LRRC74A: variants seen among roughly 807,000 people sequenced by gnomAD.
The protein encoded by LRRC74A is leucine-rich repeat-containing protein 74A.
In LRRC74A, 44 loss-of-function variants were observed where a neutral mutation model predicts 57.9. The ratio of observed to expected loss-of-function variants is 0.76; its 90% CI spans 0.60 to 0.98. LRRC74A has a LOEUF of 0.98. Ranked by LOEUF, LRRC74A falls within the 50% of genes least tolerant of loss-of-function variation. The pLI is 0.00. For synonymous variants in LRRC74A, 211 were observed against 219.4 expected, an observed-to-expected ratio of 0.96 and a Z score of 0.34; for missense variants, 572 against 574.0, an observed-to-expected ratio of 1.00 and a Z score of 0.04.
At chr14:76,829,888 A>T (rs1343748307) in intron 2 of LRRC74A, among the ~76,000 whole-genome samples, 2 of 152,002 alleles carry the variant, frequency 1.3e-5, no homozygotes, top group African/African-American at 4.8e-5. Flanking sequence ...GAAAAGGGGG[A>T]GACGAGCCTG....
chr14:76,856,886 G>A (rs1402350502), intron 9 of LRRC74A, among the ~76,000 whole-genome samples: 2 of 151,784 alleles, frequency 1.3e-5, no homozygotes, highest in Admixed American at 1.3e-4. Context: ...TGGTTGGGTG[G>A]ATGAGCAGTG....
Position 76,853,230 on chromosome 14 carries a change from G to A in LRRC74A, c.777G>A (p.Leu259=). The part of the protein sequence containing the change: ...LCNGLRGNVT[L]TKLDLSMNGF... ...TCTTCCTGGAGGGTAATGTGACCCT[G>A]ACAAAGCTGGATCTCTCCATGAATG... Residue 259 remains leucine, a synonymous_variant, in exon 9 of 14, where the codon CTG becomes CTA. Coordinates refer to ENST00000689127, the MANE Select transcript of LRRC74A (RefSeq NM_001385106.1). The A allele has an allele frequency of 6.2e-7, 1 of 1,612,724 alleles. No individual in the cohort carries two copies. The highest frequency in any genetic ancestry group is 8.5e-7 in the Non-Finnish European group (1 of 1,178,824).
chr14:76,852,542 C>A (rs1897575294), intron 8 of LRRC74A, 92 bp downstream of exon 8: 1 of 922,990 alleles, frequency 1.1e-6, no homozygotes, highest in South Asian at 1.7e-5. Flanking sequence ...CTCATGGTCA[C>A]CATCAATGAG....
rs935004375 is a variant in LRRC74A, at chr14:76,855,959, G to A, written c.958-1421G>A. 7.2e-5 allele frequency among the ~76,000 whole-genome samples: 11 copies of A among 152,202 alleles called. 1 individual carries two copies. The East Asian group carries it at 2.1e-3, about 29-fold the overall frequency. ...TGATCAGGGAATTAATGCAAGGCCA[G>A]GCAGCTGGTAAGCAGAGCCACCAGG... On this transcript the variant is annotated intron_variant, in intron 9 of 13. Coordinates refer to ENST00000689127, the MANE Select transcript of LRRC74A (RefSeq NM_001385106.1).
chr14:76,852,523 A>G (rs1282001571), intron 8 of LRRC74A, 73 bp downstream of exon 8: 1 of 1,169,054 alleles, frequency 8.6e-7, no homozygotes, highest in Non-Finnish European at 1.2e-6. Context: ...TGCCATCCTA[A>G]GCCTCTTCCT....
At chr14:76,843,287 CAAAAAAAAAAAAAAAAAAA>C (rs59087508) in intron 5 of LRRC74A, among the ~76,000 whole-genome samples, 1,824 of 130,520 alleles carry the variant, frequency 0.014, 27 homozygotes, top group Non-Finnish European at 0.022. Flanking sequence ...GACTCCGTCT[CAAAAAAAAAAAAAAAAAAA>C]AAAAAAAAAA....
chr14:76,869,479 C>A (rs932344273), intron 13 of LRRC74A, among the ~76,000 whole-genome samples: 1 of 128 alleles, frequency 7.8e-3, no homozygotes, highest in Non-Finnish European at 0.013. Context: ...CCCGGCTGGG[C>A]GCGGTGCTCA....
At chr14:76,834,444 A>AG (rs1896177641) in intron 3 of LRRC74A, among the ~76,000 whole-genome samples, 1 of 152,190 alleles carries the variant, frequency 6.6e-6, no homozygotes, top group African/African-American at 2.4e-5. Flanking sequence ...ACATTCTGGT[A>AG]GACTGAACTT....
Position 76,870,110 on chromosome 14 carries a change from T to C in LRRC74A, c.1392-15T>C. ...GTACGGGTGCTCAGCATCTTTCCCT[T>C]ACCTTTCGTACCAGTTTCTTGAACA... On this transcript the variant is annotated splice_polypyrimidine_tract_variant and intron_variant, in intron 13 of 13. Coordinates refer to ENST00000689127, the MANE Select transcript of LRRC74A (RefSeq NM_001385106.1). 19 of 1,610,614 alleles carry C rather than the reference T, an allele frequency of 1.2e-5. No homozygotes were observed. Among genetic ancestry groups the C allele is most frequent in the Non-Finnish European group, 1.6e-5 (19 of 1,178,448 alleles).
intron 7 of LRRC74A, among the ~76,000 whole-genome samples, chr14:76,847,030 C>T (rs1010493013): frequency 5.3e-5 from 8 of 152,020 alleles, no homozygotes; most frequent in African/African-American, 1.7e-4. Context: ...TGGGTCACTC[C>T]GACATTTTTA....
intron 5 of LRRC74A, among the ~76,000 whole-genome samples, chr14:76,842,305 T>C (rs1280395926): frequency 2.0e-5 from 3 of 152,194 alleles, no homozygotes; most frequent in Admixed American, 6.5e-5. Flanking sequence ...TAATGAAAGT[T>C]TTTTCTTTTC....
chr14:76,840,360 T>C (rs1463667508), intron 5 of LRRC74A, among the ~76,000 whole-genome samples: 2 of 152,214 alleles, frequency 1.3e-5, no homozygotes, highest in African/African-American at 4.8e-5. Context: ...TTTCTACTCT[T>C]AGCTCTCTAA....
rs751196561 is a variant in LRRC74A, at chr14:76,828,526, G to A, written c.166+107G>A. ...ACTCCTTTCCAGAGTCTGCCCTGCG[G>A]ATGGCCTGTGGAGGAAATGTGGCAG... On this transcript the variant is annotated intron_variant, in intron 2 of 13. Transcript: ENST00000689127. 18 of 1,542,988 alleles carry A rather than the reference G, an allele frequency of 1.2e-5. No individual in the cohort carries two copies. The South Asian group carries it at 1.9e-4, about 16-fold the overall frequency.
intron 2 of LRRC74A, among the ~76,000 whole-genome samples, chr14:76,829,811 A>G (rs1895845055): frequency 6.6e-6 from 1 of 152,152 alleles, no homozygotes; most frequent in South Asian, 2.1e-4. Flanking sequence ...GTGCTGAGAC[A>G]CTGGGAATGG....
chr14:76,860,646 G>A (rs377041757), intron 10 of LRRC74A, 47 bp from the exon 11 acceptor site: 24 of 1,535,344 alleles, frequency 1.6e-5, no homozygotes, highest in South Asian at 1.1e-4. Context: ...GGGCAGGCAC[G>A]ATGGCAGTGC....
intron 1 of LRRC74A, 134 bp from the exon 2 acceptor site, chr14:76,828,157 T>C: frequency 8.5e-7 from 1 of 1,179,560 alleles, no homozygotes; most frequent in South Asian, 1.6e-5. Context: ...GGACTTGCCC[T>C]GGCAGGGCTT....
intron 8 of LRRC74A, 127 bp downstream of exon 8, chr14:76,852,577 C>A (rs977321801): frequency 3.6e-6 from 2 of 550,812 alleles, no homozygotes; most frequent in Non-Finnish European, 6.0e-6. Flanking sequence ...TCATCAAATA[C>A]TTTTCAAGTT....
chr14:76,869,803 G>C (rs1899297398), intron 13 of LRRC74A, among the ~76,000 whole-genome samples: 1 of 150,132 alleles, frequency 6.7e-6, no homozygotes, highest in Non-Finnish European at 1.5e-5. Context: ...TAAACCCACA[G>C]AAGTATAGCA....
intron 2 of LRRC74A, chr14:76,829,167 A>G (rs1895799991): frequency 3.1e-6 from 4 of 1,289,416 alleles, no homozygotes; most frequent in Non-Finnish European, 4.0e-6. Context: ...TGACAGGGTC[A>G]GCCTCAAACT....
Sources: gnomAD v4.1 joint callset for allele counts (sites outside exome capture counted in the v4.1 genomes callset) on GRCh38, gnomAD v4.1.1 for gene constraint, MANE v1.5 for transcripts, NCBI Gene and HGNC (gene_info 2026-07-23, HGNC 2026-07-21) for gene names.